GPD2: variants seen among roughly 807,000 people sequenced by gnomAD.
The protein encoded by GPD2 is glycerol-3-phosphate dehydrogenase 2.
Under a neutral mutation model 82.4 loss-of-function variants are expected in GPD2, and 54 were observed. The ratio of observed to expected loss-of-function variants is 0.66; its 90% CI spans 0.53 to 0.82. The LOEUF (loss-of-function observed/expected upper bound fraction) is 0.82. Ranked by LOEUF, GPD2 falls within the 40% of genes least tolerant of loss-of-function variation. The pLI, the probability that GPD2 is intolerant of heterozygous loss-of-function variation, is 0.00. For missense variants in GPD2, 748 were observed against 896.2 expected (o/e 0.83, Z 2.11); for synonymous variants, 288 against 306.1 (o/e 0.94, Z 0.62).
chr2:156,404,889 A>T, the GPD2 span, among the ~76,000 whole-genome samples: 2 of 152,082 alleles, frequency 1.3e-5, no homozygotes, highest in African/African-American at 4.8e-5. Flanking sequence ...CATTTAGAGA[A>T]ATTCGTCGAT....
chr2:156,572,786 T>G (rs142970660), intron 13 of GPD2, among the ~76,000 whole-genome samples: 2,059 of 152,244 alleles, frequency 0.014, 58 homozygotes, highest in Admixed American at 0.068. Context: ...GAGGGAGTTT[T>G]GACCTAGAAG....
the GPD2 span, among the ~76,000 whole-genome samples, chr2:156,401,055 T>C: frequency 2.6e-5 from 4 of 152,230 alleles, no homozygotes; most frequent in Non-Finnish European, 4.4e-5. Flanking sequence ...AATACTTCTT[T>C]ATTTGCATGA....
At chr2:156,493,926 ATGTG>A (rs542950582) in intron 2 of GPD2, among the ~76,000 whole-genome samples, 39 of 136,316 alleles carry the variant, frequency 2.9e-4, no homozygotes, top group Middle Eastern at 3.8e-3. Context: ...ATATATATGT[ATGTG>A]TGTGTGTGTG....
chr2:156,485,774 C>T (rs189125626), intron 2 of GPD2, among the ~76,000 whole-genome samples: 6 of 152,320 alleles, frequency 3.9e-5, no homozygotes, highest in Admixed American at 6.5e-5. Flanking sequence ...ATCATTTCTA[C>T]TCCACTGTAT....
chr2:156,535,399 C>T (rs1183222627), intron 6 of GPD2, among the ~76,000 whole-genome samples: 9 of 68,198 alleles, frequency 1.3e-4, no homozygotes, highest in South Asian at 1.2e-3. Context: ...TGGGGGGGGG[C>T]GGGGAGAGAG....
At chr2:156,556,940 G>T (rs1197276555) in intron 8 of GPD2, among the ~76,000 whole-genome samples, 1 of 152,178 alleles carries the variant, frequency 6.6e-6, no homozygotes, top group African/African-American at 2.4e-5. Context: ...TTTCTACTGA[G>T]CGATGAAATG....
At chr2:156,478,518 T>TA (rs1683600794) in intron 2 of GPD2, among the ~76,000 whole-genome samples, 1 of 151,836 alleles carries the variant, frequency 6.6e-6, no homozygotes, top group East Asian at 1.9e-4. Flanking sequence ...ATAATAATAA[T>TA]AAAAAATAAA....
At chr2:156,488,069 A>G (rs1335267378) in intron 2 of GPD2, among the ~76,000 whole-genome samples, 2 of 152,336 alleles carry the variant, frequency 1.3e-5, no homozygotes, top group East Asian at 3.9e-4. Context: ...CAGCTACCCC[A>G]GAAGGATGGG....
At chr2:156,519,815 T>G (rs1685332889) in intron 6 of GPD2, among the ~76,000 whole-genome samples, 1 of 152,200 alleles carries the variant, frequency 6.6e-6, no homozygotes, top group South Asian at 2.1e-4. Flanking sequence ...GGTGAGTGCC[T>G]TTGGGCTCCA....
intron 3 of GPD2, among the ~76,000 whole-genome samples, chr2:156,498,102 G>A (rs781194445): frequency 2.6e-5 from 4 of 152,166 alleles, no homozygotes; most frequent in Non-Finnish European, 5.9e-5. Context: ...TCAGGAAAGT[G>A]TATTTCTTGG....
intron 2 of GPD2, among the ~76,000 whole-genome samples, chr2:156,493,419 G>A (rs1684254542): frequency 6.6e-6 from 1 of 152,150 alleles, no homozygotes; most frequent in Admixed American, 6.6e-5. Context: ...ATAGTTGTTA[G>A]AGATACATGT....
chr2:156,427,529 TC>T, the GPD2 span, among the ~76,000 whole-genome samples: 4 of 152,208 alleles, frequency 2.6e-5, no homozygotes, highest in Non-Finnish European at 5.9e-5. Context: ...TGCTTGAATG[TC>T]CCACAGGATA....
At chr2:156,453,662 A>G (rs1682692704) in intron 1 of GPD2, among the ~76,000 whole-genome samples, 1 of 152,198 alleles carries the variant, frequency 6.6e-6, no homozygotes, top group Non-Finnish European at 1.5e-5. Context: ...GGATCACCTG[A>G]GGTCAGGAGT....
the GPD2 span, among the ~76,000 whole-genome samples, chr2:156,409,013 A>C: frequency 5.3e-5 from 8 of 152,342 alleles, no homozygotes; most frequent in South Asian, 1.7e-3. Context: ...GGACAGAGAG[A>C]CACGCATACC....
At chr2:156,403,610 A>AGG in the GPD2 span, among the ~76,000 whole-genome samples, 40 of 70,534 alleles carry the variant, frequency 5.7e-4, no homozygotes, top group African/African-American at 9.2e-4. Flanking sequence ...AAGCATTCAA[A>AGG]GGGTGTGTGT....
chr2:156,441,211 C>T (rs551920494), intron 1 of GPD2, among the ~76,000 whole-genome samples: 1 of 152,304 alleles, frequency 6.6e-6, no homozygotes, highest in African/African-American at 2.4e-5. Flanking sequence ...ACTTCTTCAT[C>T]TGGCTGTTGA....
chr2:156,557,421 C>T lies in GPD2; in HGVS notation c.1004C>T (p.Thr335Ile). ...AGCATGGGACTTCTTGACCCAGCGA[C>T]CAGTGATGGGCGAGTTATTTTCTTC... ...PESMGLLDPA[T>I]SDGRVIFFLP... The change falls in exon 9 of 17, where the codon ACC (threonine) becomes ATC (isoleucine). Residue 335 changes from threonine to isoleucine, a missense_variant. Thr to Ile is a moderately conservative substitution (Grantham distance 89). Transcript: ENST00000438166. 1 of 1,610,556 alleles carries T rather than the reference C, an allele frequency of 6.2e-7. No individual in the cohort carries two copies. Among genetic ancestry groups the T allele is most frequent in the Non-Finnish European group, 8.5e-7 (1 of 1,176,938 alleles).
chr2:156,469,769 C>A (rs2105190254), intron 1 of GPD2, among the ~76,000 whole-genome samples: 1 of 152,292 alleles, frequency 6.6e-6, no homozygotes, highest in Non-Finnish European at 1.5e-5. Flanking sequence ...TACTTCTATG[C>A]TGGCATAAGA....
chr2:156,416,597 A>G, the GPD2 span, among the ~76,000 whole-genome samples: 1 of 150,734 alleles, frequency 6.6e-6, no homozygotes, highest in African/African-American at 2.4e-5. Context: ...TCCTGGGCTC[A>G]AGCAATGCTC....
Sources: allele counts gnomAD v4.1 joint callset (sites outside exome capture counted in the v4.1 genomes callset), GRCh38; gene constraint gnomAD v4.1.1; transcripts MANE v1.5; gene names NCBI Gene and HGNC (gene_info 2026-07-23, HGNC 2026-07-21).